The following MYO5A variants were observed in gnomAD, a reference collection of about 807,000 sequenced individuals.
The protein encoded by MYO5A is unconventional myosin-Va.
A neutral mutation model predicts 249.7 loss-of-function variants in MYO5A; 98 were observed. The observed-to-expected ratio is 0.39, with a 90% CI of 0.33 to 0.46. The LOEUF (loss-of-function observed/expected upper bound fraction) is 0.46, where lower values mean the gene tolerates loss of function less well. Ranked by LOEUF, MYO5A falls within the 20% of genes least tolerant of loss-of-function variation. The probability of loss-of-function intolerance (pLI) is 0.98; values close to 1 mark genes in which losing one functional copy is unlikely to be tolerated. For missense variants in MYO5A, 1,696 were observed against 2,308.8 expected, an observed-to-expected ratio of 0.73 and a Z score of 5.44; for synonymous variants, 778 against 810.6, an observed-to-expected ratio of 0.96 and a Z score of 0.68.
chr15:52,442,195 TC>T, intron 1 of MYO5A, among the ~76,000 whole-genome samples: 1 of 151,884 alleles, frequency 6.6e-6, no homozygotes, highest in South Asian at 2.1e-4. Context: ...AGAGATTCAG[TC>T]CCCACCCAAA....
At chr15:52,436,706 G>A (rs1186608083) in intron 1 of MYO5A, among the ~76,000 whole-genome samples, 1 of 152,170 alleles carries the variant, frequency 6.6e-6, no homozygotes. Context: ...ACACAGAGCT[G>A]GTGCTTAGTA....
At chr15:52,372,587 T>C (rs943246958) in intron 20 of MYO5A, among the ~76,000 whole-genome samples, 4 of 152,162 alleles carry the variant, frequency 2.6e-5, no homozygotes, top group Admixed American at 2.0e-4. Context: ...TTCAGAAACA[T>C]ACATAAAAAT....
intron 34 of MYO5A, among the ~76,000 whole-genome samples, chr15:52,335,516 C>CAAAAAA (rs397854139): frequency 3.1e-5 from 2 of 64,052 alleles, no homozygotes; most frequent in Non-Finnish European, 6.5e-5. Context: ...ACTCTGTCTC[C>CAAAAAA]AAAAAAAAAA....
intron 1 of MYO5A, among the ~76,000 whole-genome samples, chr15:52,495,788 A>T (rs547371922): frequency 1.4e-3 from 218 of 152,298 alleles, no homozygotes; most frequent in African/African-American, 5.1e-3. Context: ...CTTGAGAGAG[A>T]ATCCCTTGTT....
intron 34 of MYO5A, among the ~76,000 whole-genome samples, chr15:52,333,684 T>C (rs889114227): frequency 5.3e-5 from 8 of 152,242 alleles, no homozygotes; most frequent in South Asian, 2.1e-4. Flanking sequence ...AAATTATATA[T>C]GCTAGCATTT....
chr15:52,491,443 C>A (rs922948581), intron 1 of MYO5A, among the ~76,000 whole-genome samples: 1 of 152,090 alleles, frequency 6.6e-6, no homozygotes, highest in Admixed American at 6.5e-5. Flanking sequence ...CCCACATTTC[C>A]ACCTACATCA....
Position 52,483,883 on chromosome 15 carries a change from A to G in MYO5A, c.27+44897T>C, listed in dbSNP as rs931880132. Among the ~76,000 whole-genome samples the G allele has an allele frequency of 4.6e-5, 7 of 152,214 alleles. No homozygotes were observed. The South Asian group carries it at 1.4e-3, about 32-fold the overall frequency. The stretch of plus-strand genomic sequence containing the variant: ...TATACAGCTAATGTCACACTGTGGA[A>G]ATGAATCATTCTGACCAAAAGCCTT... On this transcript the variant is annotated intron_variant, in intron 1 of 41. Transcript: ENST00000399233.
At chr15:52,494,650 G>A (rs1567177941) in intron 1 of MYO5A, among the ~76,000 whole-genome samples, 2 of 152,006 alleles carry the variant, frequency 1.3e-5, no homozygotes, top group South Asian at 2.1e-4. Context: ...ACACCACCAC[G>A]TCCGGATAAT....
chr15:52,354,058 A>C, intron 25 of MYO5A, 44 bp from the exon 26 acceptor site: 1 of 1,610,188 alleles, frequency 6.2e-7, no homozygotes, highest in Non-Finnish European at 8.5e-7. Flanking sequence ...AAGCCAGAAG[A>C]CATAAAAGCC....
At chr15:52,422,383 T>C (rs546530604) in intron 4 of MYO5A, among the ~76,000 whole-genome samples, 6 of 152,280 alleles carry the variant, frequency 3.9e-5, no homozygotes, top group African/African-American at 1.4e-4. Flanking sequence ...AAATTAGAAC[T>C]CTGCTCCCTT....
Position 52,375,308 on chromosome 15 carries a change from C to A in MYO5A, c.2573G>T (p.Arg858Leu), listed in dbSNP as rs483352686. 6.2e-7 allele frequency: 1 copy of A among 1,614,010 alleles called. No individual in the cohort carries two copies. The highest frequency in any genetic ancestry group is 1.1e-5 in the South Asian group (1 of 91,080). The change falls in exon 20 of 42, where the codon CGC becomes CTC. Residue 858 changes from arginine (R) to leucine (L), a missense_variant. By Grantham distance (102) the Arg-to-Leu change is moderately radical. Transcript: ENST00000399233. Reference sequence around the variant, plus strand: ...AAGTTGAAAATAATGCCTCACCTTGCGATACCTATTTCTGGCCAAGAAGCC... The same window carrying A: ...AAGTTGAAAATAATGCCTCACCTTGAGATACCTATTTCTGGCCAAGAAGCC... ...LRGFLARNRY[R>L]KILREHKAVI...
At chr15:52,400,066 G>A (rs564678432) in intron 9 of MYO5A, among the ~76,000 whole-genome samples, 1 of 152,018 alleles carries the variant, frequency 6.6e-6, no homozygotes, top group African/African-American at 2.4e-5. Context: ...CTTTTAGCTG[G>A]AGCACTTGGT....
intron 1 of MYO5A, among the ~76,000 whole-genome samples, chr15:52,519,879 C>G (rs901272524): frequency 6.6e-6 from 1 of 151,866 alleles, no homozygotes; most frequent in Admixed American, 6.6e-5. Flanking sequence ...TACAGGCACA[C>G]GCCACCACGC....
chr15:52,521,594 T>C (rs1377234581), intron 1 of MYO5A, among the ~76,000 whole-genome samples: 5 of 152,238 alleles, frequency 3.3e-5, no homozygotes, highest in Non-Finnish European at 5.9e-5. Context: ...TTATGTACAA[T>C]GCACTTCTCC....
In MYO5A at chr15:52,458,937, T is replaced by C. The variant is rs940396238; in HGVS notation, c.28-25652A>G. On this transcript the variant is annotated intron_variant, in intron 1 of 41. Transcript: ENST00000399233. ...CTGGTTTTTAGCATATAAATCTTCA[T>C]AGCATTTCTGGGAAGGAAGCTTGAC... Among the ~76,000 whole-genome samples, 10 of 152,012 alleles carry C rather than the reference T, an allele frequency of 6.6e-5. No homozygotes were observed. In the South Asian group the frequency reaches 1.9e-3, roughly 28 times the overall value.
At chr15:52,380,543 C>A (rs1413063816) in intron 16 of MYO5A, among the ~76,000 whole-genome samples, 3 of 151,486 alleles carry the variant, frequency 2.0e-5, no homozygotes, top group Non-Finnish European at 4.4e-5. Flanking sequence ...CAAGGGCAGG[C>A]GGATCACGAG....
intron 25 of MYO5A, 21 bp downstream of exon 25, chr15:52,359,947 T>C (rs754375651): frequency 6.6e-7 from 1 of 1,523,946 alleles, no homozygotes; most frequent in Non-Finnish European, 9.1e-7. Context: ...CTACTTTCAG[T>C]GACAGATGTC....
chr15:52,399,783 A>C (rs1490874968), intron 9 of MYO5A, among the ~76,000 whole-genome samples: 1 of 152,142 alleles, frequency 6.6e-6, no homozygotes, highest in Non-Finnish European at 1.5e-5. Context: ...GGTAGTGTGC[A>C]TAGCTGCCAA....
chr15:52,308,168 CAT>C lies in MYO5A; in HGVS notation c.*5526_*5527del, dbSNP rs1182288601. The C allele has an allele frequency of 6.6e-6, 1 of 152,148 alleles. No homozygotes were observed. The highest frequency in any genetic ancestry group is 6.5e-5 in the Admixed American group (1 of 15,284). The allele number at this position is 152,148 out of a possible 1,614,324, so 9.4% of individuals were successfully genotyped here. ...ATTACAATACTGAGGAAACGTTAGT[CAT>C]ATGAATCCAATAACGCCCATTAAGT... On this transcript the variant is annotated 3_prime_UTR_variant, in exon 42 of 42. Coordinates refer to ENST00000399233, the MANE Select transcript of MYO5A (RefSeq NM_001382347.1).
Sources: gnomAD v4.1 joint callset for allele counts (sites outside exome capture counted in the v4.1 genomes callset) on GRCh38, gnomAD v4.1.1 for gene constraint, MANE v1.5 for transcripts, NCBI Gene and HGNC (gene_info 2026-07-23, HGNC 2026-07-21) for gene names.